SPTLC1: variants seen among roughly 807,000 people sequenced by gnomAD.
SPTLC1 encodes the protein serine palmitoyltransferase 1.
A neutral mutation model predicts 68.9 loss-of-function variants in SPTLC1; 55 were observed. The observed-to-expected ratio is 0.80, with a 90% CI of 0.64 to 1.00. SPTLC1 has a LOEUF of 1.00. SPTLC1 is among the 50% of genes least tolerant of loss of function. SPTLC1 has a pLI of 0.00. For missense variants in SPTLC1, 449 were observed against 573.1 expected (o/e 0.78, Z 2.21); for synonymous variants, 197 against 201.6 (o/e 0.98, Z 0.19).
chr9:92,082,398 C>A (rs1834919235), intron 3 of SPTLC1, among the ~76,000 whole-genome samples: 1 of 121,006 alleles, frequency 8.3e-6, no homozygotes, highest in Admixed American at 9.7e-5. Flanking sequence ...CCTCCCCCCA[C>A]CCCACAACAG....
At chr9:92,060,790 G>T (rs7876056) in intron 6 of SPTLC1, among the ~76,000 whole-genome samples, 5,093 of 151,272 alleles carry the variant, frequency 0.034, 150 homozygotes, top group South Asian at 0.11. Context: ...GTGGGTGCCT[G>T]TAGTCCGGGT....
At chr9:92,103,990 G>T (rs563288044) in intron 3 of SPTLC1, among the ~76,000 whole-genome samples, 1 of 152,300 alleles carries the variant, frequency 6.6e-6, no homozygotes, top group African/African-American at 2.4e-5. Context: ...ACTGGTGGAA[G>T]GGTCTCACCC....
At chr9:92,045,282 C>A (rs763307973) in intron 12 of SPTLC1, among the ~76,000 whole-genome samples, 1 of 151,632 alleles carries the variant, frequency 6.6e-6, no homozygotes, top group Non-Finnish European at 1.5e-5. Context: ...AAAAGAAAGA[C>A]CTCGGGCAAT....
rs59309256 is a variant in SPTLC1, at chr9:92,056,378, G to A, written c.691-884C>T. On this transcript the variant is annotated intron_variant, in intron 7 of 14. Transcript: ENST00000262554. ...CGAGTAGCTGGGATTACAGGCACCCGCCACCACGCTCAGCTGATTTTTGTA... is the reference window on the plus strand; with the variant it reads ...CGAGTAGCTGGGATTACAGGCACCCACCACCACGCTCAGCTGATTTTTGTA... 1.2e-3 allele frequency among the ~76,000 whole-genome samples: 187 copies of A among 152,162 alleles called. 2 individuals are homozygous for A. In the East Asian group the frequency reaches 0.021, roughly 17 times the overall value.
intron 5 of SPTLC1, among the ~76,000 whole-genome samples, chr9:92,078,643 C>A (rs1466702597): frequency 6.6e-6 from 1 of 152,134 alleles, no homozygotes; most frequent in Non-Finnish European, 1.5e-5. Context: ...CTTGTAAACA[C>A]GGGGTCTCAC....
At position 92,103,346 on chromosome 9, in the gene SPTLC1, G is replaced by T. The variant is rs535857028; in HGVS notation, c.260+5394C>A. 2.6e-5 allele frequency among the ~76,000 whole-genome samples: 4 copies of T among 152,338 alleles called. No homozygotes were observed. In the South Asian group the frequency reaches 8.3e-4, roughly 32 times the overall value. Reference sequence around the variant, plus strand: ...GCATGCCATGGTCAACTTCTATGCTGAAGTGAAGACCTCCTTCGAGGTGTG... The same window carrying T: ...GCATGCCATGGTCAACTTCTATGCTTAAGTGAAGACCTCCTTCGAGGTGTG... On this transcript the variant is annotated intron_variant, in intron 3 of 14. Transcript: ENST00000262554.
intron 12 of SPTLC1, among the ~76,000 whole-genome samples, chr9:92,045,735 G>C (rs568721036): frequency 1.3e-5 from 2 of 151,998 alleles, no homozygotes; most frequent in Admixed American, 1.3e-4. Flanking sequence ...AAGATGTTGG[G>C]TTGTTATTTT....
chr9:92,047,681 T>C lies in SPTLC1; in HGVS notation c.916A>G (p.Asn306Asp), dbSNP rs374818324. ...ATAGAAGCAAGTGCATTCTCCATGT[T>C]GGCACTGATAAGATCAATATCATCA... ...NIDDIDLISA[N>D]MENALASIGG... The change falls in exon 10 of 15, where the codon AAC becomes GAC. Residue 306 changes from asparagine (N) to aspartate (D), a missense_variant. By Grantham distance (23) the Asn-to-Asp change is conservative. This residue lies in a region of SPTLC1 where 391 missense variants were observed against 472.1 expected (regional missense o/e 0.83). Coordinates refer to ENST00000262554, the MANE Select transcript of SPTLC1 (RefSeq NM_006415.4). 1 of 1,613,298 alleles carries C rather than the reference T, an allele frequency of 6.2e-7. No homozygotes were observed. Among genetic ancestry groups the C allele is most frequent in the Non-Finnish European group, 8.5e-7 (1 of 1,179,358 alleles).
At position 92,047,226 on chromosome 9, in the gene SPTLC1, G is replaced by C. The variant is rs764460441; in HGVS notation, c.1027C>G (p.Pro343Ala). ...TCAATTGCTGCAGCAGCTAACAGGG[G>C]AGGTAACGAAGCTGAAAAGCAGTAT... The part of the protein sequence containing the change: ...QGYCFSASLP[P>A]LLAAAAIEAL... The change falls in exon 11 of 15, where the codon CCC becomes GCC. Residue 343 changes from proline to alanine, a missense_variant. Coordinates refer to ENST00000262554, the MANE Select transcript of SPTLC1 (RefSeq NM_006415.4). The C allele has an allele frequency of 1.9e-6, 3 of 1,614,128 alleles. No homozygotes were observed. Among genetic ancestry groups the C allele is most frequent in the Non-Finnish European group, 2.5e-6 (3 of 1,179,996 alleles).
rs748798526 is a variant in SPTLC1 at position 92,047,186 on chromosome 9, A to G, written c.1067T>C (p.Met356Thr). Residue 356 changes from methionine to threonine, a missense_variant, in exon 11 of 15, where the codon ATG becomes ACG. Around this residue, in one of 3 missense-constraint regions of SPTLC1, gnomAD observed 391 missense variants for 472.1 expected, o/e 0.83. Coordinates refer to ENST00000262554, the MANE Select transcript of SPTLC1 (RefSeq NM_006415.4). ...AAGGGTTATACCTGGATTCTCTTCC[A>G]TGATGTTGAGGGCCTCAATTGCTGC... ...AAAAIEALNI[M>T]EENPGIFAVL... 1.2e-6 allele frequency: 2 copies of G among 1,613,914 alleles called. No homozygotes were observed. Among genetic ancestry groups the G allele is most frequent in the Non-Finnish European group, 1.7e-6 (2 of 1,179,756 alleles).
At chr9:92,054,637 C>T (rs78056123) in intron 8 of SPTLC1, among the ~76,000 whole-genome samples, 6,938 of 152,106 alleles carry the variant, frequency 0.046, 236 homozygotes, top group Middle Eastern at 0.065. Context: ...TACGTATGGC[C>T]GACTCAGTGG....
chr9:92,036,143 T>C (rs1298068788), intron 13 of SPTLC1, among the ~76,000 whole-genome samples: 1 of 152,232 alleles, frequency 6.6e-6, no homozygotes, highest in Non-Finnish European at 1.5e-5. Context: ...GATATATGTA[T>C]TTTTTCTATC....
At chr9:92,074,341 C>T (rs1210612830) in intron 5 of SPTLC1, among the ~76,000 whole-genome samples, 2 of 152,098 alleles carry the variant, frequency 1.3e-5, no homozygotes, top group African/African-American at 4.8e-5. Context: ...TGCGCTCCTT[C>T]CTAGTTATCC....
chr9:92,083,084 ATTGT>A (rs1414955667), intron 3 of SPTLC1, among the ~76,000 whole-genome samples: 4 of 149,412 alleles, frequency 2.7e-5, no homozygotes, highest in South Asian at 2.1e-4. Context: ...TTTTGATGGG[ATTGT>A]TTGTTTTTTT....
At chr9:92,059,660 T>C (rs1222486476) in intron 6 of SPTLC1, among the ~76,000 whole-genome samples, 2 of 152,228 alleles carry the variant, frequency 1.3e-5, no homozygotes, top group African/African-American at 2.4e-5. Context: ...ATCTCTGATA[T>C]GACTGACACA....
chr9:92,035,070 A>G (rs969357478), intron 13 of SPTLC1, among the ~76,000 whole-genome samples, 187 bp from the exon 14 acceptor site: 27 of 152,216 alleles, frequency 1.8e-4, no homozygotes, highest in African/African-American at 6.3e-4. Context: ...CTGCAATGAC[A>G]AATACCTCTG....
intron 5 of SPTLC1, among the ~76,000 whole-genome samples, chr9:92,073,911 T>G (rs1834585235): frequency 6.6e-6 from 1 of 152,204 alleles, no homozygotes; most frequent in Non-Finnish European, 1.5e-5. Flanking sequence ...GTCAAAAACC[T>G]GGCCACTGGG....
chr9:92,102,999 A>G (rs991835039), intron 3 of SPTLC1, among the ~76,000 whole-genome samples: 12 of 152,224 alleles, frequency 7.9e-5, no homozygotes, highest in Non-Finnish European at 1.3e-4. Context: ...GCATGCTCAC[A>G]ATGACCAAAT....
chr9:92,075,363 C>T (rs1203140281), intron 5 of SPTLC1, among the ~76,000 whole-genome samples: 2 of 152,164 alleles, frequency 1.3e-5, no homozygotes, highest in Admixed American at 1.3e-4. Context: ...CCAAACCACT[C>T]TATAAACTCA....
Sources: gnomAD v4.1 joint callset for allele counts (sites outside exome capture counted in the v4.1 genomes callset) on GRCh38, gnomAD v4.1.1 for gene constraint, gnomAD v4.1.1 regional missense constraint, MANE v1.5 for transcripts, NCBI Gene and HGNC (gene_info 2026-07-23, HGNC 2026-07-21) for gene names.